UBOX5: variants seen among roughly 807,000 people sequenced by gnomAD.
UBOX5 encodes U-box domain containing 5, also known as RING finger protein 37.
UBOX5 carries 28 observed loss-of-function variants against 39.0 expected under a neutral mutation model. The observed-to-expected ratio is 0.72, with a 90% confidence interval of 0.53 to 0.98. The LOEUF (loss-of-function observed/expected upper bound fraction) is 0.98. Ranked by LOEUF, UBOX5 falls within the 50% of genes least tolerant of loss-of-function variation. The probability of loss-of-function intolerance (pLI) is 0.00; values close to 1 mark genes in which losing one functional copy is unlikely to be tolerated. For missense variants in UBOX5, 585 were observed against 674.4 expected (o/e 0.87, Z 1.47); for synonymous variants, 283 against 275.5 (o/e 1.03, Z -0.27).
intron 1 of UBOX5, among the ~76,000 whole-genome samples, chr20:3,133,758 G>GA (rs897844327): frequency 4.2e-5 from 5 of 118,928 alleles, no homozygotes; most frequent in Non-Finnish European, 7.4e-5. Context: ...ATTTTTTTTG[G>GA]GGGGGGGAAA....
intron 1 of UBOX5, among the ~76,000 whole-genome samples, chr20:3,157,120 C>T (rs1304882060): frequency 1.3e-5 from 2 of 152,062 alleles, no homozygotes; most frequent in African/African-American, 4.8e-5. Flanking sequence ...GCAAAAAAAC[C>T]GAACTTTCTC....
intron 1 of UBOX5, among the ~76,000 whole-genome samples, chr20:3,142,376 A>C (rs1257761443): frequency 1.3e-5 from 2 of 151,976 alleles, no homozygotes; most frequent in African/African-American, 4.8e-5. Flanking sequence ...CAAGGTGGGC[A>C]GATAACCTGA....
chr20:3,132,817 CAA>C lies in UBOX5; in HGVS notation c.-41-9413_-41-9412del, dbSNP rs11331937. On this transcript the variant is annotated intron_variant, in intron 1 of 4. Coordinates refer to ENST00000217173, the MANE Select transcript of UBOX5 (RefSeq NM_014948.4). ...TCTGGGTGACAGAGTGGGACTGTCT[CAA>C]AAAAAAAAAAAAAAGAAATGGCTGG... is the stretch of plus-strand genomic sequence containing the variant. Among the ~76,000 whole-genome samples, 206 of 124,490 alleles carry C rather than the reference CAA, an allele frequency of 1.7e-3. 2 individuals are homozygous for C. Among genetic ancestry groups the C allele is most frequent in the East Asian group, 1.8e-3 (8 of 4,386 alleles). The allele number at this position is 124,490 out of a possible 152,430, so 81.7% of individuals were successfully genotyped here. A position where few individuals can be genotyped will look rare whatever the true frequency, so the allele number is the denominator to read the frequency against.
chr20:3,110,339 G>T, intron 4 of UBOX5, 25 bp from the exon 5 acceptor site: 2 of 1,613,272 alleles, frequency 1.2e-6, no homozygotes, highest in Non-Finnish European at 1.7e-6. Context: ...AGGAAAACAG[G>T]CCAGGGTTAG....
At position 3,149,382 on chromosome 20, in the gene UBOX5, A is replaced by G; in HGVS notation, c.-42+10384T>C. On this transcript the variant is annotated intron_variant, in intron 1 of 4. Coordinates refer to ENST00000217173, the MANE Select transcript of UBOX5 (RefSeq NM_014948.4). The surrounding 1 kb of genome is among the most constrained non-coding windows in gnomAD (Gnocchi z 4.1). Reference sequence around the variant, plus strand: ...ACTCAAATAAGTTCAATGCTAGTAAATGCCCAAACCACATGACAGCATATA... The same window carrying G: ...ACTCAAATAAGTTCAATGCTAGTAAGTGCCCAAACCACATGACAGCATATA... 1 of 333,892 alleles carries G rather than the reference A, an allele frequency of 3.0e-6. No homozygotes were observed. Among genetic ancestry groups the G allele is most frequent in the Non-Finnish European group, 5.5e-6 (1 of 182,784 alleles). 20.7% of individuals were successfully genotyped at this position (333,892 alleles called of 1,614,324 possible). A position where few individuals can be genotyped will look rare whatever the true frequency, so the allele number is the denominator to read the frequency against.
chr20:3,154,508 C>A (rs1183388221), intron 1 of UBOX5, among the ~76,000 whole-genome samples: 1 of 151,766 alleles, frequency 6.6e-6, no homozygotes, highest in East Asian at 1.9e-4. Flanking sequence ...GTAGTGAGAC[C>A]CCCACCTCTA....
chr20:3,122,859 G>A (rs1418770613), intron 2 of UBOX5, among the ~76,000 whole-genome samples: 1 of 152,068 alleles, frequency 6.6e-6, no homozygotes, highest in Non-Finnish European at 1.5e-5. Context: ...TGAGGCAGGA[G>A]GATCCCATTA....
chr20:3,147,012 C>CG lies in UBOX5; in HGVS notation c.-42+12753dup, dbSNP rs745745252. ...ATTCTTGGGGTCTGCATGCAGGCTG[C>CG]GGGGCACAGGCCAGCCATCTCCATG... On this transcript the variant is annotated intron_variant, in intron 1 of 4. Transcript: ENST00000217173. The CG allele has an allele frequency of 2.3e-5, 37 of 1,614,030 alleles. No individual in the cohort carries two copies. The South Asian group carries it at 4.0e-4, about 17-fold the overall frequency.
intron 1 of UBOX5, among the ~76,000 whole-genome samples, chr20:3,124,192 C>T (rs1236783112): frequency 1.3e-5 from 2 of 148,960 alleles, no homozygotes; most frequent in African/African-American, 2.6e-5. Context: ...GAGTGAGACC[C>T]TGTCTCAAAG....
chr20:3,124,046 G>A (rs1003224873), intron 1 of UBOX5, among the ~76,000 whole-genome samples: 6 of 151,934 alleles, frequency 3.9e-5, no homozygotes, highest in African/African-American at 9.7e-5. Flanking sequence ...ACAACAAAAC[G>A]TTGTAGGGAT....
chr20:3,125,862 G>A (rs1284341768), intron 1 of UBOX5, among the ~76,000 whole-genome samples: 3 of 145,954 alleles, frequency 2.1e-5, no homozygotes, highest in East Asian at 2.1e-4. Context: ...TGTGAGGAGC[G>A]CCTCTGCCTG....
Position 3,109,869 on chromosome 20 carries a change from G to A in UBOX5, c.*237C>T, listed in dbSNP as rs2066239264. 3.5e-6 allele frequency: 2 copies of A among 577,926 alleles called. No individual in the cohort carries two copies. The highest frequency in any genetic ancestry group is 6.1e-6 in the Non-Finnish European group (2 of 327,552). The allele number at this position is 577,926 out of a possible 1,614,324, so 35.8% of individuals were successfully genotyped here. A position where few individuals can be genotyped will look rare whatever the true frequency, so the allele number is the denominator to read the frequency against. ...CTCCAGTGGGTCCTGGGCTCAGGCA[G>A]GGGGGGTGGCAGGGAGGCAGGGACA... On this transcript the variant is annotated 3_prime_UTR_variant, in exon 5 of 5. Transcript: ENST00000217173.
At chr20:3,159,214 G>A (rs1464866208) in intron 1 of UBOX5, among the ~76,000 whole-genome samples, 1 of 152,324 alleles carries the variant, frequency 6.6e-6, no homozygotes, top group Admixed American at 6.5e-5. Context: ...GCTAAAAATG[G>A]GGGGAAGGTA....
At position 3,115,382 on chromosome 20, in the gene UBOX5, G is replaced by A. The variant is rs772740134; in HGVS notation, c.1340C>T (p.Ala447Val). ...CTGGAGCTGTCCCCTGGTCAGCCGT[G>A]CCGTGAAGGAGGGCATAGAGCCAAG... ...STLGSMPSFTARLTRGQLQHL... is the reference protein window; with the variant it reads ...STLGSMPSFTVRLTRGQLQHL... The change falls in exon 4 of 5, where the codon GCA becomes GTA. Residue 447 changes from alanine to valine, a missense_variant. By Grantham distance (64) the Ala-to-Val change is moderately conservative. Transcript: ENST00000217173. 79 of 1,614,226 alleles carry A rather than the reference G, an allele frequency of 4.9e-5. 2 individuals are homozygous for A. In the South Asian group the frequency reaches 8.2e-4, roughly 17 times the overall value.
chr20:3,131,874 G>A (rs368073015), intron 1 of UBOX5, among the ~76,000 whole-genome samples: 2 of 151,938 alleles, frequency 1.3e-5, no homozygotes, highest in African/African-American at 4.8e-5. Flanking sequence ...CGGGCAAGGT[G>A]GCGGGCACCT....
At chr20:3,129,733 C>T (rs566496284) in intron 1 of UBOX5, among the ~76,000 whole-genome samples, 1 of 152,260 alleles carries the variant, frequency 6.6e-6, no homozygotes, top group South Asian at 2.1e-4. Flanking sequence ...TCTTTGGTCT[C>T]AGTACTAGAA....
intron 1 of UBOX5, among the ~76,000 whole-genome samples, chr20:3,128,787 C>A (rs1317654550): frequency 6.6e-6 from 1 of 152,142 alleles, no homozygotes; most frequent in Non-Finnish European, 1.5e-5. Flanking sequence ...CACTTGAAGC[C>A]AGGAGTGCAA....
intron 3 of UBOX5, 149 bp downstream of exon 3, chr20:3,121,235 G>T (rs539584622): frequency 3.4e-6 from 4 of 1,189,668 alleles, no homozygotes; most frequent in South Asian, 1.6e-5. Context: ...CAAAGCTGAG[G>T]GGCCCCAGGA....
intron 1 of UBOX5, chr20:3,147,749 T>C (rs753267234): frequency 1.2e-6 from 2 of 1,614,108 alleles, no homozygotes; most frequent in South Asian, 1.1e-5. Context: ...TGGCTTATAA[T>C]TCAGAGTTCC....
Sources: gnomAD v4.1 joint callset for allele counts (sites outside exome capture counted in the v4.1 genomes callset) on GRCh38, gnomAD v4.1.1 for gene constraint, Gnocchi (gnomAD v3.1) non-coding constraint, MANE v1.5 for transcripts, NCBI Gene and HGNC (gene_info 2026-07-23, HGNC 2026-07-21) for gene names.